OBSL1: variants seen among roughly 807,000 people sequenced by gnomAD.
OBSL1 encodes the protein obscurin-like protein 1.
A neutral mutation model predicts 172.0 loss-of-function variants in OBSL1; 160 were observed. The ratio of observed to expected loss-of-function variants is 0.93; its 90% CI spans 0.82 to 1.06. The LOEUF is 1.06. OBSL1 is among the 50% of genes least tolerant of loss of function. The probability of loss-of-function intolerance (pLI) is 0.00; values close to 1 mark genes in which losing one functional copy is unlikely to be tolerated. For synonymous variants in OBSL1, 1,200 were observed against 1,196.3 expected, an observed-to-expected ratio of 1.00 and a Z score of -0.06; for missense variants, 2,681 against 2,715.4, an observed-to-expected ratio of 0.99 and a Z score of 0.28.
downstream of OBSL1, chr2:219,549,258 A>G (rs1695475117): frequency 6.2e-7 from 1 of 1,613,970 alleles, no homozygotes; most frequent in East Asian, 2.2e-5. Context: ...CTCCCCTCAG[A>G]GGTCCCCGGG....
At chr2:219,547,375 C>G, downstream of OBSL1, 1 of 700,732 alleles carries the variant, frequency 1.4e-6, no homozygotes, top group Non-Finnish European at 2.1e-6. Context: ...ACTCCAGTGA[C>G]CCTCAATTCT....
chr2:219,550,704 A>AC, downstream of OBSL1: 1 of 1,259,568 alleles, frequency 7.9e-7, no homozygotes. Context: ...CTGCCCCCCC[A>AC]CATCACTCAG....
Position 219,567,710 on chromosome 2 carries a change from G to C in OBSL1, c.1534+8C>G. ...GCCTCGCCTGTCCAGAGGCCTTCCT[G>C]CCCTCACATTTTACTCTGAGAAGCG... On this transcript the variant is annotated splice_region_variant and intron_variant, in intron 3 of 20. Coordinates refer to ENST00000404537, the MANE Select transcript of OBSL1 (RefSeq NM_015311.3). 2 of 1,604,158 alleles carry C rather than the reference G, an allele frequency of 1.2e-6. No homozygotes were observed. The highest frequency in any genetic ancestry group is 1.7e-6 in the Non-Finnish European group (2 of 1,171,908).
Position 219,567,379 on chromosome 2 carries a change from C to G in OBSL1, c.1731G>C (p.Val577=). The G allele has an allele frequency of 6.2e-7, 1 of 1,612,970 alleles. No homozygotes were observed. Among genetic ancestry groups the G allele is most frequent in the Non-Finnish European group, 8.5e-7 (1 of 1,179,442 alleles). ...CCTCGGAGGGCACACAGTCGCCCGG[C>G]ACCTCCACGGCTCCGGCTTTCTCGA... ...FSIEKAGAVE[V]PGDCVPSEGD... Residue 577 remains valine, a synonymous_variant, in exon 4 of 21, where the codon GTG becomes GTC. Coordinates refer to ENST00000404537, the MANE Select transcript of OBSL1 (RefSeq NM_015311.3).
chr2:219,556,545 G>A lies in OBSL1; in HGVS notation c.4245C>T (p.Ile1415=). 6.2e-7 allele frequency: 1 copy of A among 1,613,990 alleles called. No individual in the cohort carries two copies. Among genetic ancestry groups the A allele is most frequent in the Non-Finnish European group, 8.5e-7 (1 of 1,179,892 alleles). The change falls in exon 13 of 21, where the codon ATC becomes ATT. Residue 1415 remains isoleucine (I), a synonymous_variant. Coordinates refer to ENST00000404537, the MANE Select transcript of OBSL1 (RefSeq NM_015311.3). Reference sequence around the variant, plus strand: ...CCAGTTGGCAGCCTCGCAAGGTTAAGATGCGGCTTGAACCATTCTGGGCCA... The same window carrying A: ...CCAGTTGGCAGCCTCGCAAGGTTAAAATGCGGCTTGAACCATTCTGGGCCA... ...VEMAQNGSSR[I]LTLRGCQLGD...
chr2:219,567,541 C>A lies in OBSL1; in HGVS notation c.1569G>T (p.Leu523Phe), dbSNP rs748523150. 4 of 1,612,718 alleles carry A rather than the reference C, an allele frequency of 2.5e-6. No homozygotes were observed. The South Asian group carries it at 4.4e-5, about 18-fold the overall frequency. The stretch of plus-strand genomic sequence containing the variant: ...TCTTGTGGCCCTTGAACATCTCTGC[C>A]AATATGGGGGGTCCTGGGGGACTGT... ...VKHSPPGPPI[L>F]AEMFKGHKNT... The change falls in exon 4 of 21, where the codon TTG becomes TTT. Residue 523 changes from leucine to phenylalanine, a missense_variant. Coordinates refer to ENST00000404537, the MANE Select transcript of OBSL1 (RefSeq NM_015311.3).
At chr2:219,558,504 G>A in intron 9 of OBSL1, 45 bp from the exon 10 acceptor site, 2 of 1,493,136 alleles carry the variant, frequency 1.3e-6, no homozygotes, top group African/African-American at 2.8e-5. Flanking sequence ...TGGCCAGCAG[G>A]CCTCTCCTGC....
chr2:219,547,996 C>T, downstream of OBSL1: 1 of 1,587,866 alleles, frequency 6.3e-7, no homozygotes, highest in East Asian at 2.3e-5. Context: ...GAAGCTGGGC[C>T]CTGCTGGCAC....
chr2:219,562,526 C>G lies in OBSL1; in HGVS notation c.2829G>C (p.Ala943=), dbSNP rs371742776. ...KDGEEVVESP[A]LLLQKEDTVR... ...CAGTGTCTTCCTTCTGCAGGAGCAG[C>G]GCGGGGCTCTCCACCACCTCCTCTC... The change falls in exon 8 of 21, where the codon GCG becomes GCC. Residue 943 remains alanine (A), a synonymous_variant. Transcript: ENST00000404537. 1 of 1,613,850 alleles carries G rather than the reference C, an allele frequency of 6.2e-7. No individual in the cohort carries two copies. The highest frequency in any genetic ancestry group is 1.3e-5 in the African/African-American group (1 of 74,930).
chr2:219,553,157 G>A, intron 16 of OBSL1, 133 bp from the exon 17 acceptor site: 7 of 1,253,586 alleles, frequency 5.6e-6, no homozygotes, highest in Non-Finnish European at 7.4e-6. Context: ...GTGTTCCCAG[G>A]CTGGGGTCGG....
rs973296901 is a variant in OBSL1, at chr2:219,570,603, G to A, written c.630C>T (p.His210=). 2 of 1,515,466 alleles carry A rather than the reference G, an allele frequency of 1.3e-6. No homozygotes were observed. Among genetic ancestry groups the A allele is most frequent in the South Asian group, 1.2e-5 (1 of 80,584 alleles). The allele number at this position is 1,515,466 out of a possible 1,614,324, so 93.9% of individuals were successfully genotyped here. The change falls in exon 1 of 21, where the codon CAC becomes CAT. Residue 210 remains histidine (H), a synonymous_variant. Transcript: ENST00000404537. The stretch of plus-strand genomic sequence containing the variant: ...GCGCGTGGCCGTGCGCGTTGCGGGC[G>A]TGGCACACGTAGACGCCGGAATCCG... The part of the protein sequence containing the change: ...RLPDSGVYVC[H]ARNAHGHAQA...
At chr2:219,549,313 C>T (rs771127537), downstream of OBSL1, 1 of 1,613,832 alleles carries the variant, frequency 6.2e-7, no homozygotes, top group Non-Finnish European at 8.5e-7. Flanking sequence ...TCGGCGCAGG[C>T]CAGTGCCCAT....
chr2:219,564,722 T>A (rs1386594685), intron 6 of OBSL1, among the ~76,000 whole-genome samples: 1 of 152,134 alleles, frequency 6.6e-6, no homozygotes, highest in Non-Finnish European at 1.5e-5. Context: ...GAGGATCGTT[T>A]GAGCACAGGA....
At chr2:219,553,739 T>C in intron 15 of OBSL1, 53 bp from the exon 16 acceptor site, 4 of 1,308,388 alleles carry the variant, frequency 3.1e-6, no homozygotes, top group African/African-American at 1.4e-5. Context: ...GGGACCCATC[T>C]TGCAGGGACA....
downstream of OBSL1, chr2:219,549,231 A>G: frequency 6.2e-7 from 1 of 1,614,040 alleles, no homozygotes; most frequent in Non-Finnish European, 8.5e-7. Flanking sequence ...AAAGGCGGAA[A>G]AAGAGACCTC....
chr2:219,560,235 A>T (rs1484778376), intron 8 of OBSL1, among the ~76,000 whole-genome samples: 1 of 152,034 alleles, frequency 6.6e-6, no homozygotes, highest in Non-Finnish European at 1.5e-5. Context: ...GGCTACACCC[A>T]CTCTGGGGCA....
At chr2:219,562,369 C>G (rs752927970) in intron 8 of OBSL1, 33 bp downstream of exon 8, 1 of 1,604,108 alleles carries the variant, frequency 6.2e-7, no homozygotes, top group Non-Finnish European at 8.5e-7. Flanking sequence ...AGGGCTGTCT[C>G]TGTGACCCCG....
chr2:219,553,647 T>A lies in OBSL1; in HGVS notation c.4916A>T (p.Glu1639Val). Residue 1639 changes from glutamate (E) to valine (V), a missense_variant, in exon 16 of 21, where the codon GAG becomes GTG. Transcript: ENST00000404537. ...VTIVRGPHDL[E>V]VTEGDTATFE... ...CGTAGCTGTGTCGCCCTCGGTCACC[T>A]CTAGGTCGTGTGGCCCCCGCACGAT... 2 of 1,613,772 alleles carry A rather than the reference T, an allele frequency of 1.2e-6. No individual in the cohort carries two copies. The highest frequency in any genetic ancestry group is 1.7e-6 in the Non-Finnish European group (2 of 1,179,872).
In OBSL1 at chr2:219,562,667, G is replaced by A; in HGVS notation, c.2688C>T (p.Ser896=). The A allele has an allele frequency of 6.5e-7, 1 of 1,546,528 alleles. No homozygotes were observed. The highest frequency in any genetic ancestry group is 8.7e-7 in the Non-Finnish European group (1 of 1,145,204). Residue 896 remains serine, a synonymous_variant, in exon 8 of 21, where the codon TCC becomes TCT. Coordinates refer to ENST00000404537, the MANE Select transcript of OBSL1 (RefSeq NM_015311.3). ...TGCCGCTGGGATACACGATCCACGA[G>A]GAGACGTCTGGAGGACAGGGACAGC... ...AYFTVTITDV[S]SWIVYPSGKV...
Sources: gnomAD v4.1 joint callset for allele counts (sites outside exome capture counted in the v4.1 genomes callset) on GRCh38, gnomAD v4.1.1 for gene constraint, MANE v1.5 for transcripts, NCBI Gene and HGNC (gene_info 2026-07-23, HGNC 2026-07-21) for gene names.